The following PHACTR4 variants were observed in gnomAD, a reference collection of about 807,000 sequenced individuals.
The protein encoded by PHACTR4 is phosphatase and actin regulator 4.
PHACTR4 carries 51 observed loss-of-function variants against 72.7 expected under a neutral mutation model. That is an observed-to-expected ratio of 0.70 (90% CI 0.56 to 0.89). The LOEUF is 0.89. PHACTR4 is among the 40% of genes least tolerant of loss of function. The probability of loss-of-function intolerance (pLI) is 0.00; values close to 1 mark genes in which losing one functional copy is unlikely to be tolerated. For missense variants in PHACTR4, 731 were observed against 861.8 expected (o/e 0.85, Z 1.90); for synonymous variants, 255 against 302.5 (o/e 0.84, Z 1.63).
Position 28,476,205 on chromosome 1 carries a change from G to A in PHACTR4, c.1520G>A (p.Arg507Gln), listed in dbSNP as rs761145853. The change falls in exon 8 of 14, where the codon CGG becomes CAG. Residue 507 changes from arginine to glutamine, a missense_variant. Transcript: ENST00000373839. ...SVIPKLPQCL[R>Q]EEEEKESDSD... ...ATTCCTAAATTACCACAGTGTCTAC[G>A]GGAGGAAGAAGAGAAGGAGAGCGAC... 6.2e-6 allele frequency: 10 copies of A among 1,613,654 alleles called. No individual in the cohort carries two copies. Among genetic ancestry groups the A allele is most frequent in the Admixed American group, 5.0e-5 (3 of 59,942 alleles).
intron 2 of PHACTR4, among the ~76,000 whole-genome samples, chr1:28,415,412 C>T (rs921946630): frequency 6.6e-6 from 1 of 152,174 alleles, no homozygotes; most frequent in Admixed American, 6.6e-5. Flanking sequence ...ATAGCTAATT[C>T]GTGCTTCTGC....
chr1:28,374,896 A>G (rs1160983468), intron 1 of PHACTR4, among the ~76,000 whole-genome samples: 1 of 152,224 alleles, frequency 6.6e-6, no homozygotes, highest in Non-Finnish European at 1.5e-5. Context: ...ACATGGATGT[A>G]ATTGATTCCT....
chr1:28,414,294 G>T (rs956888727), intron 2 of PHACTR4, among the ~76,000 whole-genome samples: 1 of 152,060 alleles, frequency 6.6e-6, no homozygotes, highest in Non-Finnish European at 1.5e-5. Context: ...TCGAACTCCT[G>T]ACCTCAGGTG....
Position 28,392,797 on chromosome 1 carries a change from A to AT in PHACTR4, c.-38-14603dup, listed in dbSNP as rs375524887. On this transcript the variant is annotated intron_variant, in intron 1 of 13. Transcript: ENST00000373839. Reference sequence around the variant, plus strand: ...ATTGCTAAAATCTATAGTAAAAATGATTTTTTTTTTGTTTTTTATGAACCC... The same window carrying AT: ...ATTGCTAAAATCTATAGTAAAAATGATTTTTTTTTTTGTTTTTTATGAACCC... Among the ~76,000 whole-genome samples, 743 of 150,116 alleles carry AT rather than the reference A, an allele frequency of 4.9e-3. 6 individuals carry two copies. The highest frequency in any genetic ancestry group is 0.016 in the African/African-American group (640 of 40,968).
chr1:28,461,596 A>G (rs1009803654), intron 4 of PHACTR4, among the ~76,000 whole-genome samples: 13 of 152,238 alleles, frequency 8.5e-5, no homozygotes, highest in African/African-American at 3.1e-4. Context: ...TCTCAACTGT[A>G]TAAAAACTAA....
chr1:28,378,186 G>C (rs1651841139), intron 1 of PHACTR4, among the ~76,000 whole-genome samples: 1 of 91,542 alleles, frequency 1.1e-5, no homozygotes, highest in Non-Finnish European at 2.0e-5. Context: ...GACAGAGCGA[G>C]ACTCCATCTC....
In PHACTR4 at chr1:28,476,152, C is replaced by T; in HGVS notation, c.1467C>T (p.Phe489=). 1 of 1,613,484 alleles carries T rather than the reference C, an allele frequency of 6.2e-7. No homozygotes were observed. The highest frequency in any genetic ancestry group is 1.3e-5 in the African/African-American group (1 of 74,984). The change falls in exon 8 of 14, where the codon TTC becomes TTT. Residue 489 remains phenylalanine, a synonymous_variant. Transcript: ENST00000373839. ...EEEEQTCPST[F]SEEMTPTSVI... Reference sequence around the variant, plus strand: ...AGGAGCAAACCTGTCCATCCACATTCAGTGAAGAAATGACACCTACCTCAG... The same window carrying T: ...AGGAGCAAACCTGTCCATCCACATTTAGTGAAGAAATGACACCTACCTCAG...
At chr1:28,404,397 C>T (rs1188913099) in intron 1 of PHACTR4, among the ~76,000 whole-genome samples, 1 of 151,260 alleles carries the variant, frequency 6.6e-6, no homozygotes, top group Non-Finnish European at 1.5e-5. Flanking sequence ...ATTCTCCTGC[C>T]TCAGCCTCCT....
chr1:28,394,373 G>GA lies in PHACTR4; in HGVS notation c.-38-13029dup, dbSNP rs551805558. 6.6e-5 allele frequency among the ~76,000 whole-genome samples: 10 copies of GA among 151,414 alleles called. No individual in the cohort carries two copies. The South Asian group carries it at 1.0e-3, about 16-fold the overall frequency. The stretch of plus-strand genomic sequence containing the variant: ...GAAAGGAAAGGAAGAAAGAAAAAAA[G>GA]AAAAAAAAGAAAAGAAATCCTCCTG... On this transcript the variant is annotated intron_variant, in intron 1 of 13. Transcript: ENST00000373839.
intron 1 of PHACTR4, among the ~76,000 whole-genome samples, chr1:28,371,690 C>T (rs1651258928): frequency 6.6e-6 from 1 of 152,018 alleles, no homozygotes; most frequent in South Asian, 2.1e-4. Context: ...CCTGGACCTC[C>T]TCCTGGGCTC....
chr1:28,405,055 A>G (rs1359238001), intron 1 of PHACTR4, among the ~76,000 whole-genome samples: 3 of 152,034 alleles, frequency 2.0e-5, no homozygotes, highest in African/African-American at 7.2e-5. Flanking sequence ...TCTCATTGTG[A>G]CATTGATTTG....
Position 28,472,610 on chromosome 1 carries a change from CTT to C in PHACTR4, c.824-933_824-932del, listed in dbSNP as rs34472891. Among the ~76,000 whole-genome samples the C allele has an allele frequency of 5.4e-5, 8 of 146,902 alleles. No homozygotes were observed. In the South Asian group the frequency reaches 1.3e-3, roughly 24 times the overall value. Reference sequence around the variant, plus strand: ...AATGGAGTACTGTTATACAAAATAACTTTTTTTTTTTTGAGTCAGAGTCTTGT... The same window carrying C: ...AATGGAGTACTGTTATACAAAATAACTTTTTTTTTTGAGTCAGAGTCTTGT... On this transcript the variant is annotated intron_variant, in intron 6 of 13. Coordinates refer to ENST00000373839, the MANE Select transcript of PHACTR4 (RefSeq NM_001048183.3).
At chr1:28,397,821 G>A (rs1166875854) in intron 1 of PHACTR4, among the ~76,000 whole-genome samples, 2 of 151,092 alleles carry the variant, frequency 1.3e-5, no homozygotes, top group Admixed American at 1.3e-4. Flanking sequence ...TCAGCCTCCC[G>A]AGTAGCTGGG....
intron 2 of PHACTR4, among the ~76,000 whole-genome samples, chr1:28,417,176 GTTTTGTGGAC>G (rs1282550472): frequency 6.6e-6 from 1 of 152,034 alleles, no homozygotes; most frequent in Admixed American, 6.6e-5. Flanking sequence ...TAGGCCAGGG[GTTTTGTGGAC>G]AATTTAATTC....
At position 28,497,529 on chromosome 1, in the gene PHACTR4, T is replaced by TA. The variant is rs76459119; in HGVS notation, c.*1002dup. ...TGGGCAACAAAGTGGGACTCTGTCT[T>TA]AAAAAAAAAAAAAAAAAAAAAATCG... is the stretch of plus-strand genomic sequence containing the variant. On this transcript the variant is annotated 3_prime_UTR_variant, in exon 14 of 14. Transcript: ENST00000373839. The TA allele has an allele frequency of 0.013, 1,423 of 110,110 alleles. 22 individuals carry two copies. Among genetic ancestry groups the TA allele is most frequent in the East Asian group, 0.041 (158 of 3,852 alleles). 6.8% of individuals were successfully genotyped at this position (110,110 alleles called of 1,614,324 possible).
Position 28,459,100 on chromosome 1 carries a change from C to A in PHACTR4, c.32C>A (p.Pro11His). 5 of 1,610,826 alleles carry A rather than the reference C, an allele frequency of 3.1e-6. No homozygotes were observed. Among genetic ancestry groups the A allele is most frequent in the Non-Finnish European group, 4.2e-6 (5 of 1,178,724 alleles). Residue 11 changes from proline to histidine, a missense_variant, in exon 3 of 14, where the codon CCC (proline) becomes CAC (histidine). Around this residue, in one of 2 missense-constraint regions of PHACTR4, gnomAD observed 621 missense variants for 676.6 expected, o/e 0.92. Coordinates refer to ENST00000373839, the MANE Select transcript of PHACTR4 (RefSeq NM_001048183.3). MEDPFEEADQ[P>H]TTEPGMVLDS... ...CATGTAACAGAGGAAGCAGACCAGC[C>A]CACTACAGAGCCAGGCATGGTCCTG...
intron 2 of PHACTR4, among the ~76,000 whole-genome samples, chr1:28,415,548 A>G (rs1655055240): frequency 6.6e-6 from 1 of 152,210 alleles, no homozygotes; most frequent in Non-Finnish European, 1.5e-5. Flanking sequence ...ACTTCCTTCT[A>G]AAGATTTTTG....
chr1:28,392,564 G>A (rs1229004578), intron 1 of PHACTR4, among the ~76,000 whole-genome samples: 4 of 151,730 alleles, frequency 2.6e-5, no homozygotes, highest in Non-Finnish European at 5.9e-5. Flanking sequence ...CACCATGCCT[G>A]GCTAATTTTT....
intron 7 of PHACTR4, 74 bp downstream of exon 7, chr1:28,474,225 A>G (rs917096843): frequency 1.4e-5 from 19 of 1,397,726 alleles, no homozygotes; most frequent in Non-Finnish European, 1.7e-5. Flanking sequence ...ATTACTTATA[A>G]AAAGAAAATG....
Sources: allele counts gnomAD v4.1 joint callset (sites outside exome capture counted in the v4.1 genomes callset), GRCh38; gene constraint gnomAD v4.1.1; regional missense constraint gnomAD v4.1.1; transcripts MANE v1.5; gene names NCBI Gene and HGNC (gene_info 2026-07-23, HGNC 2026-07-21).